Variants in VPS13B observed in about 807,000 individuals in gnomAD.
VPS13B encodes the protein vacuolar protein sorting 13 homolog B, also known as intermembrane lipid transfer protein VPS13B.
Under a neutral mutation model 426.4 loss-of-function variants are expected in VPS13B, and 285 were observed. The observed-to-expected ratio is 0.67, with a 90% CI of 0.61 to 0.74. The LOEUF is 0.74. Among genes scored for constraint, VPS13B ranks in the 30% least tolerant of loss-of-function variants. VPS13B has a pLI of 0.00. For synonymous variants in VPS13B, 1,676 were observed against 1,676.4 expected, an observed-to-expected ratio of 1.00 and a Z score of 0.01; for missense variants, 4,537 against 4,782.6, an observed-to-expected ratio of 0.95 and a Z score of 1.51.
In VPS13B at chr8:99,511,227, C is replaced by T. The variant is rs770616277; in HGVS notation, c.4348C>T (p.His1450Tyr). The T allele has an allele frequency of 2.5e-6, 4 of 1,614,062 alleles. No homozygotes were observed. The highest frequency in any genetic ancestry group is 8.5e-7 in the Non-Finnish European group (1 of 1,179,968). Residue 1450 changes from histidine (H) to tyrosine (Y), a missense_variant, in exon 29 of 62, where the codon CAT becomes TAT. Transcript: ENST00000357162. Reference sequence around the variant, plus strand: ...ATCAAGAAATGAGCGAAGAAGTTTTCATAAGTTATCTGAAGGCCTAATGGA... The same window carrying T: ...ATCAAGAAATGAGCGAAGAAGTTTTTATAAGTTATCTGAAGGCCTAATGGA... ...LTSRNERRSFHKLSEGLMDGS... is the reference protein window; with the variant it reads ...LTSRNERRSFYKLSEGLMDGS...
intron 35 of VPS13B, among the ~76,000 whole-genome samples, chr8:99,671,090 A>T (rs905981195): frequency 6.6e-6 from 1 of 152,154 alleles, no homozygotes; most frequent in Non-Finnish European, 1.5e-5. Flanking sequence ...GTACCAATCT[A>T]TATTCCCACC....
At chr8:99,173,057 T>C (rs1382346329) in intron 16 of VPS13B, among the ~76,000 whole-genome samples, 2 of 152,206 alleles carry the variant, frequency 1.3e-5, no homozygotes, top group Non-Finnish European at 2.9e-5. Context: ...CTCAGAGAAA[T>C]GTGTGAAAAC....
At chr8:99,415,889 G>A (rs1341408296) in intron 21 of VPS13B, among the ~76,000 whole-genome samples, 2 of 152,174 alleles carry the variant, frequency 1.3e-5, no homozygotes, top group Non-Finnish European at 2.9e-5. Context: ...GGAAGCACGG[G>A]GGTCGGGGAC....
rs150316434 is a variant in VPS13B at position 99,779,326 on chromosome 8, A to G, written c.7779+295A>G. On this transcript the variant is annotated intron_variant, in intron 42 of 61. Coordinates refer to ENST00000357162, the MANE Select transcript of VPS13B (RefSeq NM_152564.5). ...AACATATTCCCAGAAATTTTTTCCA[A>G]GTATTGTGGCTTTAGTTTGCCAAAG... is the stretch of plus-strand genomic sequence containing the variant. Among the ~76,000 whole-genome samples, 278 of 152,328 alleles carry G rather than the reference A, an allele frequency of 1.8e-3. 2 individuals are homozygous for G. Among genetic ancestry groups the G allele is most frequent in the African/African-American group, 6.3e-3 (262 of 41,586 alleles).
chr8:99,395,405 C>A (rs75498836), intron 21 of VPS13B, among the ~76,000 whole-genome samples: 2,638 of 152,258 alleles, frequency 0.017, 35 homozygotes, highest in Non-Finnish European at 0.027. Flanking sequence ...CCCATCCTTA[C>A]ACAGGGTGGA....
At chr8:99,484,854 A>T (rs1475009458) in intron 25 of VPS13B, among the ~76,000 whole-genome samples, 2 of 151,946 alleles carry the variant, frequency 1.3e-5, no homozygotes, top group Non-Finnish European at 2.9e-5. Flanking sequence ...TGTCTCAAAA[A>T]AAAAAAAAAA....
intron 17 of VPS13B, among the ~76,000 whole-genome samples, chr8:99,261,384 T>C (rs1294848731): frequency 6.6e-6 from 1 of 152,166 alleles, no homozygotes; most frequent in Non-Finnish European, 1.5e-5. Context: ...CTTAGTAATG[T>C]GCGTTATCAT....
chr8:99,334,460 TG>T (rs1294118530), intron 19 of VPS13B, among the ~76,000 whole-genome samples: 1 of 152,134 alleles, frequency 6.6e-6, no homozygotes, highest in African/African-American at 2.4e-5. Context: ...TTCCAGTTTT[TG>T]CCCATTCAGT....
chr8:99,087,001 T>A (rs1845849376), intron 3 of VPS13B, among the ~76,000 whole-genome samples: 1 of 152,218 alleles, frequency 6.6e-6, no homozygotes, highest in Admixed American at 6.5e-5. Flanking sequence ...CAGGGACATT[T>A]AAGTCTGCAG....
intron 39 of VPS13B, among the ~76,000 whole-genome samples, chr8:99,752,145 C>T (rs2130544623): frequency 6.6e-6 from 1 of 151,896 alleles, no homozygotes; most frequent in East Asian, 1.9e-4. Flanking sequence ...AGTTCAAGGC[C>T]AGCCTGGGCA....
At chr8:99,416,196 G>A (rs934860688) in intron 21 of VPS13B, among the ~76,000 whole-genome samples, 6 of 152,162 alleles carry the variant, frequency 3.9e-5, no homozygotes, top group African/African-American at 7.2e-5. Flanking sequence ...CAGACTTCCC[G>A]ATGGCTTTGT....
At chr8:99,767,240 C>T (rs1224601852) in intron 40 of VPS13B, among the ~76,000 whole-genome samples, 1 of 151,684 alleles carries the variant, frequency 6.6e-6, no homozygotes, top group Non-Finnish European at 1.5e-5. Flanking sequence ...TGGAAAAAAG[C>T]AAGTTAAACA....
chr8:99,392,333 A>G (rs1234372088), intron 21 of VPS13B, among the ~76,000 whole-genome samples: 1 of 152,070 alleles, frequency 6.6e-6, no homozygotes, highest in Non-Finnish European at 1.5e-5. Context: ...AGAATTTTAC[A>G]TATATAATTC....
intron 3 of VPS13B, among the ~76,000 whole-genome samples, chr8:99,070,403 A>G (rs1209267121): frequency 6.6e-6 from 1 of 152,232 alleles, no homozygotes; most frequent in Non-Finnish European, 1.5e-5. Context: ...ATTATAGTAC[A>G]TACTTTGGGA....
Position 99,699,948 on chromosome 8 carries a change from G to C in VPS13B, c.6454+16G>C, listed in dbSNP as rs1563870838. On this transcript the variant is annotated intron_variant, in intron 36 of 61. Transcript: ENST00000357162. ...AAAGTACCTGGTAAGTCACAGAAAAGGGGAGGGGGGAGACAGAACAAGTAA... is the reference window on the plus strand; with the variant it reads ...AAAGTACCTGGTAAGTCACAGAAAACGGGAGGGGGGAGACAGAACAAGTAA... The C allele has an allele frequency of 2.5e-6, 4 of 1,612,598 alleles. No individual in the cohort carries two copies. The highest frequency in any genetic ancestry group is 3.4e-6 in the Non-Finnish European group (4 of 1,179,464).
intron 1 of VPS13B, 41 bp downstream of exon 1, chr8:99,013,388 G>T: frequency 3.1e-6 from 1 of 320,178 alleles, no homozygotes; most frequent in Non-Finnish European, 6.1e-6. Context: ...GGAGCGGGAC[G>T]GGAGGTCTTC....
chr8:99,336,356 A>C (rs907997899), intron 19 of VPS13B, among the ~76,000 whole-genome samples: 13 of 152,190 alleles, frequency 8.5e-5, no homozygotes, highest in African/African-American at 3.1e-4. Flanking sequence ...CTTATACAAA[A>C]ATTAATTCAA....
intron 33 of VPS13B, among the ~76,000 whole-genome samples, chr8:99,631,078 G>A (rs769749416): frequency 2.0e-5 from 3 of 152,032 alleles, no homozygotes; most frequent in Non-Finnish European, 2.9e-5. Context: ...TTGATAATGG[G>A]GCATCCAAAT....
At chr8:99,658,350 A>T (rs1830096012) in intron 34 of VPS13B, among the ~76,000 whole-genome samples, 1 of 152,194 alleles carries the variant, frequency 6.6e-6, no homozygotes, top group South Asian at 2.1e-4. Context: ...ATCAGTAAGA[A>T]AAAGAACTCA....
Sources: allele counts gnomAD v4.1 joint callset (sites outside exome capture counted in the v4.1 genomes callset), GRCh38; gene constraint gnomAD v4.1.1; transcripts MANE v1.5; gene names NCBI Gene and HGNC (gene_info 2026-07-23, HGNC 2026-07-21).